ADGRL3: variants seen among roughly 807,000 people sequenced by gnomAD.
ADGRL3 encodes calcium-independent alpha-latrotoxin receptor 3.
Under a neutral mutation model 153.5 loss-of-function variants are expected in ADGRL3, and 62 were observed. That is an observed-to-expected ratio of 0.40 (90% CI 0.33 to 0.50). The LOEUF is 0.50. Among genes scored for constraint, ADGRL3 ranks in the 20% least tolerant of loss-of-function variants. ADGRL3 has a pLI of 0.47. For missense variants in ADGRL3, 1,641 were observed against 1,859.4 expected (o/e 0.88, Z 2.16); for synonymous variants, 710 against 672.5 (o/e 1.06, Z -0.86).
chr4:61,655,971 T>C (rs2094432152), intron 5 of ADGRL3, among the ~76,000 whole-genome samples: 1 of 152,184 alleles, frequency 6.6e-6, no homozygotes, highest in Non-Finnish European at 1.5e-5. Flanking sequence ...CCTGTTTCCT[T>C]GTCAATGTTG....
At chr4:62,029,011 G>C in intron 22 of ADGRL3, 130 bp downstream of exon 22, 1 of 745,348 alleles carries the variant, frequency 1.3e-6, no homozygotes. Context: ...AAACTGTGCA[G>C]GAAAATAATC....
chr4:61,431,371 T>C (rs969519740), intron 2 of ADGRL3, among the ~76,000 whole-genome samples: 1 of 152,172 alleles, frequency 6.6e-6, no homozygotes, highest in African/African-American at 2.4e-5. Context: ...TCTTCAAGCC[T>C]TTGTCAGGGG....
chr4:61,945,756 C>T (rs1043558455), intron 15 of ADGRL3, among the ~76,000 whole-genome samples: 32 of 151,756 alleles, frequency 2.1e-4, no homozygotes, highest in Non-Finnish European at 3.8e-4. Context: ...TGACCCCTTG[C>T]GCTTCCCAGG....
chr4:62,026,460 T>C (rs1024462005), intron 21 of ADGRL3, among the ~76,000 whole-genome samples: 4 of 152,098 alleles, frequency 2.6e-5, no homozygotes, highest in Admixed American at 2.6e-4. Flanking sequence ...GTTGCTGTTG[T>C]CTTTATTAAA....
chr4:61,947,494 C>G (rs2098930116), intron 16 of ADGRL3, among the ~76,000 whole-genome samples: 1 of 152,098 alleles, frequency 6.6e-6, no homozygotes, highest in African/African-American at 2.4e-5. Flanking sequence ...GCTGCAAAAA[C>G]AAGAAAACAA....
At chr4:61,855,566 A>C (rs2098253722) in intron 9 of ADGRL3, among the ~76,000 whole-genome samples, 1 of 152,132 alleles carries the variant, frequency 6.6e-6, no homozygotes, top group Admixed American at 6.6e-5. Flanking sequence ...TCACTTTTTA[A>C]AAATTAACTG....
chr4:61,641,951 G>A (rs2093696264), intron 5 of ADGRL3, among the ~76,000 whole-genome samples: 1 of 149,724 alleles, frequency 6.7e-6, no homozygotes, highest in Non-Finnish European at 1.5e-5. Flanking sequence ...AGCACCTGTT[G>A]TTTCCTGACT....
At position 61,435,233 on chromosome 4, in the gene ADGRL3, A is replaced by G. The variant is rs116115416; in HGVS notation, c.-174+52044A>G. On this transcript the variant is annotated intron_variant, in intron 2 of 26. Coordinates refer to ENST00000683033, the MANE Select transcript of ADGRL3 (RefSeq NM_001387552.1). ...AGAGCTATTTTATTTTATGCAAGATATGGTCCCTGAAATTAAAAGTGAATA... is the reference window on the plus strand; with the variant it reads ...AGAGCTATTTTATTTTATGCAAGATGTGGTCCCTGAAATTAAAAGTGAATA... 4.0e-3 allele frequency among the ~76,000 whole-genome samples: 603 copies of G among 152,244 alleles called. 1 individual carries two copies. The highest frequency in any genetic ancestry group is 0.014 in the African/African-American group (576 of 41,580).
Position 61,983,456 on chromosome 4 carries a change from G to T in ADGRL3, c.3089G>T (p.Gly1030Val). The T allele has an allele frequency of 1.2e-6, 2 of 1,613,906 alleles. No homozygotes were observed. Among genetic ancestry groups the T allele is most frequent in the Non-Finnish European group, 1.7e-6 (2 of 1,179,862 alleles). ...GCCTTCACCTGGATGTTCCTGGAGG[G>T]GGTGCAGCTTTATATCATGCTGGTG... ...LAAFTWMFLE[G>V]VQLYIMLVEV... The change falls in exon 19 of 27, where the codon GGG (glycine) becomes GTG (valine). Residue 1030 changes from glycine to valine, a missense_variant. Coordinates refer to ENST00000683033, the MANE Select transcript of ADGRL3 (RefSeq NM_001387552.1).
intron 5 of ADGRL3, among the ~76,000 whole-genome samples, chr4:61,663,316 A>C (rs2094668305): frequency 6.6e-6 from 1 of 152,252 alleles, no homozygotes; most frequent in Non-Finnish European, 1.5e-5. Flanking sequence ...GGCATCTCCA[A>C]GTTTCTGGAT....
chr4:61,936,175 C>A, intron 15 of ADGRL3, 130 bp downstream of exon 15: 1 of 961,394 alleles, frequency 1.0e-6, no homozygotes, highest in Non-Finnish European at 1.6e-6. Flanking sequence ...TATTCTCTTT[C>A]TCCTCCTCTT....
chr4:61,219,733 T>C (rs1744507404), intron 1 of ADGRL3, among the ~76,000 whole-genome samples: 1 of 152,230 alleles, frequency 6.6e-6, no homozygotes, highest in Admixed American at 6.5e-5. Context: ...TCATTGCTCT[T>C]TGTCATCTCT....
intron 21 of ADGRL3, among the ~76,000 whole-genome samples, chr4:62,016,200 T>C (rs1201931175): frequency 1.3e-5 from 2 of 151,776 alleles, no homozygotes; most frequent in African/African-American, 4.8e-5. Flanking sequence ...AGGCACATAC[T>C]ACCATGCCCA....
rs1056852293 is a variant in ADGRL3, at chr4:62,069,451, G to A, written c.3833-658G>A. Among the ~76,000 whole-genome samples the A allele has an allele frequency of 5.9e-5, 9 of 151,680 alleles. No homozygotes were observed. The East Asian group carries it at 1.5e-3, about 26-fold the overall frequency. On this transcript the variant is annotated intron_variant, in intron 26 of 26. Transcript: ENST00000683033. ...AATACTTTTGTTTCGAAAATTCCTC[G>A]GTGTAAATTCTTTTGATGTGCCATT...
In ADGRL3 at chr4:61,762,102, T is replaced by C. The variant is rs183915481; in HGVS notation, c.1399+28548T>C. 5.9e-5 allele frequency among the ~76,000 whole-genome samples: 9 copies of C among 152,320 alleles called. No homozygotes were observed. The East Asian group carries it at 1.7e-3, about 29-fold the overall frequency. ...GAATCTGAGTAAAACAATAATTGTC[T>C]GTAAATGACAAAAGACTTAAAGTGG... On this transcript the variant is annotated intron_variant, in intron 8 of 26. Coordinates refer to ENST00000683033, the MANE Select transcript of ADGRL3 (RefSeq NM_001387552.1).
intron 6 of ADGRL3, among the ~76,000 whole-genome samples, chr4:61,710,829 C>G (rs2151462100): frequency 6.6e-6 from 1 of 152,258 alleles, no homozygotes; most frequent in African/African-American, 2.4e-5. Context: ...AGTTCATACA[C>G]TTCAAATAAA....
chr4:61,380,329 C>T (rs1173714000), intron 1 of ADGRL3, among the ~76,000 whole-genome samples: 1 of 151,884 alleles, frequency 6.6e-6, no homozygotes, highest in Non-Finnish European at 1.5e-5. Flanking sequence ...GAATTCATAC[C>T]AACTAGAGCA....
intron 4 of ADGRL3, among the ~76,000 whole-genome samples, chr4:61,520,375 C>A (rs1048442136): frequency 6.6e-6 from 1 of 152,108 alleles, no homozygotes; most frequent in Non-Finnish European, 1.5e-5. Context: ...AATGTTCCTA[C>A]AAACCACACA....
At chr4:61,553,283 A>G (rs1338359792) in intron 4 of ADGRL3, among the ~76,000 whole-genome samples, 3 of 152,182 alleles carry the variant, frequency 2.0e-5, no homozygotes, top group Non-Finnish European at 4.4e-5. Flanking sequence ...ATTTCTATTC[A>G]ACGTAAGCAT....
Sources: gnomAD v4.1 joint callset for allele counts (sites outside exome capture counted in the v4.1 genomes callset) on GRCh38, gnomAD v4.1.1 for gene constraint, MANE v1.5 for transcripts, NCBI Gene and HGNC (gene_info 2026-07-23, HGNC 2026-07-21) for gene names.